Variants in PPP1R16B observed in about 807,000 individuals in gnomAD.
PPP1R16B encodes protein phosphatase 1 regulatory inhibitor subunit 16B.
In PPP1R16B, 14 loss-of-function variants were observed where a neutral mutation model predicts 61.7. That is an observed-to-expected ratio of 0.23 (90% CI 0.15 to 0.35). PPP1R16B has a LOEUF of 0.35. Ranked by LOEUF, PPP1R16B falls within the 10% of genes least tolerant of loss-of-function variation. The pLI, the probability that PPP1R16B is intolerant of heterozygous loss-of-function variation, is 1.00. For missense variants in PPP1R16B, 547 were observed against 752.5 expected, an observed-to-expected ratio of 0.73 and a Z score of 3.19; for synonymous variants, 266 against 305.3, an observed-to-expected ratio of 0.87 and a Z score of 1.34.
intron 1 of PPP1R16B, among the ~76,000 whole-genome samples, chr20:38,807,252 C>T (rs1051918083): frequency 1.4e-4 from 21 of 152,218 alleles, no homozygotes; most frequent in Non-Finnish European, 2.5e-4. Context: ...CTTCTTAGCC[C>T]AGCCAGCGAC....
At chr20:38,837,575 T>C (rs976000683) in intron 2 of PPP1R16B, among the ~76,000 whole-genome samples, 32 of 150,198 alleles carry the variant, frequency 2.1e-4, no homozygotes, top group African/African-American at 7.1e-4. Context: ...AGAGTCTCAC[T>C]CTGTTGCCCA....
At chr20:38,873,305 G>A (rs1222039580) in intron 2 of PPP1R16B, among the ~76,000 whole-genome samples, 2 of 152,192 alleles carry the variant, frequency 1.3e-5, no homozygotes, top group Non-Finnish European at 2.9e-5. Context: ...GTTCTGAGAC[G>A]TCTGGGAGGC....
intron 3 of PPP1R16B, 38 bp from the exon 4 acceptor site, chr20:38,895,527 C>G: frequency 1.2e-6 from 2 of 1,607,078 alleles, no homozygotes; most frequent in Non-Finnish European, 1.7e-6. Context: ...GGCCCAGTGC[C>G]CTGCCTGGAG....
At chr20:38,876,701 G>A (rs1381550209) in intron 2 of PPP1R16B, among the ~76,000 whole-genome samples, 1 of 152,182 alleles carries the variant, frequency 6.6e-6, no homozygotes, top group East Asian at 1.9e-4. Flanking sequence ...CCCAGCTTTA[G>A]CACTTCCTTC....
chr20:38,864,075 A>G (rs1289455755), intron 2 of PPP1R16B, among the ~76,000 whole-genome samples: 1 of 152,258 alleles, frequency 6.6e-6, no homozygotes, highest in Non-Finnish European at 1.5e-5. Context: ...GTTAAGTGAA[A>G]GAAGCCAGAC....
chr20:38,817,350 G>T (rs550604812), intron 1 of PPP1R16B, among the ~76,000 whole-genome samples: 1 of 151,810 alleles, frequency 6.6e-6, no homozygotes, highest in Non-Finnish European at 1.5e-5. Context: ...ATCACCTTAG[G>T]TCAGGAGTTC....
intron 4 of PPP1R16B, 116 bp from the exon 5 acceptor site, chr20:38,900,465 G>C (rs904297961): frequency 1.7e-5 from 12 of 703,174 alleles, no homozygotes; most frequent in Non-Finnish European, 2.8e-5. Flanking sequence ...CACCTTGGTG[G>C]GGTTTTGAGT....
intron 2 of PPP1R16B, among the ~76,000 whole-genome samples, chr20:38,888,169 A>G (rs2085260710): frequency 6.6e-6 from 1 of 152,230 alleles, no homozygotes; most frequent in South Asian, 2.1e-4. Flanking sequence ...GATAGTGTCC[A>G]CGGTGGGGAT....
intron 2 of PPP1R16B, among the ~76,000 whole-genome samples, chr20:38,852,768 T>TGG (rs2084977923): frequency 3.2e-5 from 2 of 62,336 alleles, no homozygotes; most frequent in Admixed American, 2.3e-4. Context: ...TTTTTTTTTT[T>TGG]GCGGGGGGTG....
chr20:38,819,848 A>T (rs2084761692), intron 1 of PPP1R16B, among the ~76,000 whole-genome samples: 2 of 152,210 alleles, frequency 1.3e-5, no homozygotes, highest in Non-Finnish European at 2.9e-5. Flanking sequence ...CACAAATCTT[A>T]AGTGGATCAA....
intron 1 of PPP1R16B, among the ~76,000 whole-genome samples, chr20:38,821,164 A>C (rs756028617): frequency 6.6e-6 from 1 of 152,180 alleles, no homozygotes; most frequent in Non-Finnish European, 1.5e-5. Flanking sequence ...CGTCTTTCCT[A>C]ACAGATTTTG....
intron 4 of PPP1R16B, among the ~76,000 whole-genome samples, chr20:38,898,308 G>A (rs1290249719): frequency 6.6e-6 from 1 of 152,164 alleles, no homozygotes; most frequent in Non-Finnish European, 1.5e-5. Flanking sequence ...GTATGTGAGG[G>A]TTTGTTTCTG....
Position 38,852,747 on chromosome 20 carries a change from C to CTTTT in PPP1R16B, c.250+16590_250+16593dup, listed in dbSNP as rs1185726609. Among the ~76,000 whole-genome samples the CTTTT allele has an allele frequency of 3.8e-4, 12 of 31,516 alleles. 1 individual carries two copies. Among genetic ancestry groups the CTTTT allele is most frequent in the African/African-American group, 8.8e-4 (6 of 6,840 alleles). 20.7% of individuals were successfully genotyped at this position (31,516 alleles called of 152,430 possible). A position where few individuals can be genotyped will look rare whatever the true frequency, so the allele number is the denominator to read the frequency against. On this transcript the variant is annotated intron_variant, in intron 2 of 10. Coordinates refer to ENST00000299824, the MANE Select transcript of PPP1R16B (RefSeq NM_015568.4). Reference sequence around the variant, plus strand: ...CTTGGCTTCTAGGGACCACTGTTTCCTTTTTTTTTTTTTTTTTTTTTGCGG... The same window carrying CTTTT: ...CTTGGCTTCTAGGGACCACTGTTTCCTTTTTTTTTTTTTTTTTTTTTTTTTGCGG...
At position 38,907,338 on chromosome 20, in the gene PPP1R16B, G is replaced by C. The variant is rs1568684289; in HGVS notation, c.898+284G>C. On this transcript the variant is annotated intron_variant, in intron 8 of 10. Coordinates refer to ENST00000299824, the MANE Select transcript of PPP1R16B (RefSeq NM_015568.4). This position sits in a 1 kb window ranked among gnomAD's most constrained non-coding sequence, Gnocchi z 4.5. The stretch of plus-strand genomic sequence containing the variant: ...GGATGGATGGATGGATGGATGGATG[G>C]ATGGATGGATAGACAGAAAAATAAG... Among the ~76,000 whole-genome samples the C allele has an allele frequency of 6.6e-6, 1 of 152,032 alleles. No homozygotes were observed. Among genetic ancestry groups the C allele is most frequent in the Non-Finnish European group, 1.5e-5 (1 of 67,986 alleles).
At chr20:38,896,387 C>G (rs1156836175) in intron 4 of PPP1R16B, among the ~76,000 whole-genome samples, 4 of 145,338 alleles carry the variant, frequency 2.8e-5, no homozygotes, top group Admixed American at 2.7e-4. Flanking sequence ...CTTTCTTTCT[C>G]CCCACATCCT....
At position 38,835,810 on chromosome 20, in the gene PPP1R16B, C is replaced by G; in HGVS notation, c.-101-15C>G. Reference sequence around the variant, plus strand: ...CTGACACATGTGTTCATCTGTGTCTCCCTCCCTGCCACAGGCCACACCATG... The same window carrying G: ...CTGACACATGTGTTCATCTGTGTCTGCCTCCCTGCCACAGGCCACACCATG... On this transcript the variant is annotated splice_polypyrimidine_tract_variant and intron_variant, in intron 1 of 10. Coordinates refer to ENST00000299824, the MANE Select transcript of PPP1R16B (RefSeq NM_015568.4). 1 of 1,241,270 alleles carries G rather than the reference C, an allele frequency of 8.1e-7. No individual in the cohort carries two copies. The highest frequency in any genetic ancestry group is 1.1e-6 in the Non-Finnish European group (1 of 922,524). 76.9% of individuals were successfully genotyped at this position (1,241,270 alleles called of 1,614,324 possible). A position where few individuals can be genotyped will look rare whatever the true frequency, so the allele number is the denominator to read the frequency against.
At chr20:38,898,720 G>T (rs1475679836) in intron 4 of PPP1R16B, among the ~76,000 whole-genome samples, 3 of 152,126 alleles carry the variant, frequency 2.0e-5, no homozygotes, top group African/African-American at 7.2e-5. Flanking sequence ...TGAGGCAGGA[G>T]AACTGCTTGA....
At chr20:38,916,367 T>G (rs1270003213) in intron 10 of PPP1R16B, among the ~76,000 whole-genome samples, 1 of 148,104 alleles carries the variant, frequency 6.8e-6, no homozygotes, top group Non-Finnish European at 1.5e-5. Context: ...TACATATATG[T>G]TATATATGTA....
chr20:38,843,782 T>C (rs2084922442), intron 2 of PPP1R16B, among the ~76,000 whole-genome samples: 1 of 151,834 alleles, frequency 6.6e-6, no homozygotes, highest in Non-Finnish European at 1.5e-5. Flanking sequence ...AAAAAAGCAA[T>C]GAGGAGAGTA....
Sources: allele counts gnomAD v4.1 joint callset (sites outside exome capture counted in the v4.1 genomes callset), GRCh38; gene constraint gnomAD v4.1.1; non-coding constraint Gnocchi (gnomAD v3.1); transcripts MANE v1.5; gene names NCBI Gene and HGNC (gene_info 2026-07-23, HGNC 2026-07-21).